The following MCF2 variants were observed in gnomAD, a reference collection of about 807,000 sequenced individuals.
MCF2 encodes MCF.2 cell line derived transforming sequence, also known as proto-oncogene DBL.
MCF2 carries 44 observed loss-of-function variants against 82.5 expected under a neutral mutation model. The observed-to-expected ratio is 0.53, with a 90% CI of 0.42 to 0.69. MCF2 has a LOEUF of 0.69. Ranked by LOEUF, MCF2 falls within the 30% of genes least tolerant of loss-of-function variation. MCF2 has a pLI of 0.00. For missense variants in MCF2, 623 were observed against 663.1 expected (o/e 0.94, Z 0.66); for synonymous variants, 217 against 224.9 (o/e 0.96, Z 0.32).
intron 1 of MCF2, among the ~76,000 whole-genome samples, chrX:139,705,291 G>T (rs902672470): frequency 2.7e-5 from 3 of 111,975 alleles, no homozygotes; most frequent in African/African-American, 9.7e-5. Context: ...CAGCCTAGGC[G>T]ACAGAGTGAG....
At chrX:139,603,141 C>A (rs1343112781) in intron 15 of MCF2, among the ~76,000 whole-genome samples, 3 of 112,546 alleles carry the variant, frequency 2.7e-5, no homozygotes, top group Non-Finnish European at 5.6e-5. Context: ...ATCTTCTACA[C>A]AATTAATAAT....
At chrX:139,678,853 A>G (rs1026036812) in intron 1 of MCF2, among the ~76,000 whole-genome samples, 3 of 112,437 alleles carry the variant, frequency 2.7e-5, no homozygotes, top group Non-Finnish European at 5.6e-5. Context: ...CAACAACATC[A>G]TTACAGATGT....
At chrX:139,672,582 T>C (rs766285221) in intron 1 of MCF2, among the ~76,000 whole-genome samples, 43 of 112,380 alleles carry the variant, frequency 3.8e-4, no homozygotes, top group African/African-American at 1.3e-3. Flanking sequence ...TCATATGGTT[T>C]TTGCCGTTGG....
chrX:139,598,475 G>C, exon 17 of MCF2: 1 of 1,131,432 alleles, frequency 8.8e-7, no homozygotes, highest in Non-Finnish European at 1.2e-6. Flanking sequence ...GTCTAAGTCT[G>C]TGTTTTAACT....
At position 139,688,797 on chromosome X, in the gene MCF2, A is replaced by G. The variant is rs188930065; in HGVS notation, c.-45+19309T>C. 3.4e-3 allele frequency among the ~76,000 whole-genome samples: 378 copies of G among 111,676 alleles called. 1 individual carries two copies. Among genetic ancestry groups the G allele is most frequent in the African/African-American group, 0.012 (357 of 30,740 alleles). On this transcript the variant is annotated intron_variant, in intron 1 of 27. Coordinates refer to the MCF2 transcript ENST00000414978. ...ACTTGCTGAGTTATCAATATAGCCCATGGAGAAGTAGATTTAAGGAAAGAA... is the reference window on the plus strand; with the variant it reads ...ACTTGCTGAGTTATCAATATAGCCCGTGGAGAAGTAGATTTAAGGAAAGAA...
rs139945203 is a variant in MCF2 at position 139,614,260 on chromosome X, T to C, written c.1363+621A>G. On this transcript the variant is annotated intron_variant, in intron 10 of 24. Coordinates refer to ENST00000370576, the Ensembl canonical transcript of MCF2. ...ATCTTACATGGATAAAACTAGGAGA[T>C]TAAAACTAGAAAATGAACTCTGTAA... 9.2e-3 allele frequency among the ~76,000 whole-genome samples: 1,032 copies of C among 111,574 alleles called. 6 individuals carry two copies. Among genetic ancestry groups the C allele is most frequent in the Non-Finnish European group, 0.011 (601 of 52,935 alleles).
chrX:139,641,214 T>A (rs1404144876), intron 1 of MCF2, among the ~76,000 whole-genome samples: 3 of 107,436 alleles, frequency 2.8e-5, no homozygotes, highest in African/African-American at 1.0e-4. Context: ...ATATATATAA[T>A]TAGGAACTTT....
intron 6 of MCF2, among the ~76,000 whole-genome samples, chrX:139,621,203 T>G (rs894716499): frequency 2.7e-5 from 3 of 111,673 alleles, no homozygotes; most frequent in Admixed American, 9.6e-5. Flanking sequence ...TAACTAAGGA[T>G]GGATTAAAGA....
At chrX:139,593,343 C>T (rs1929691999) in intron 19 of MCF2, among the ~76,000 whole-genome samples, 2 of 110,566 alleles carry the variant, frequency 1.8e-5, no homozygotes, top group African/African-American at 6.6e-5. Context: ...AAACCAGCTC[C>T]TGAATCTCTG....
Position 139,582,403 on chromosome X carries a change from A to C in MCF2, c.*68T>G, listed in dbSNP as rs369202775. ...CATTTGAGCTCAATGTCTTTTGCGC[A>C]GTATTTTTCCAAATGAGCTGAGAAG... On this transcript the variant is annotated 3_prime_UTR_variant, in exon 25 of 25. Coordinates refer to ENST00000370576, the Ensembl canonical transcript of MCF2. 1.5e-5 allele frequency: 17 copies of C among 1,134,489 alleles called. No homozygotes were observed. In the African/African-American group the frequency reaches 3.0e-4, roughly 20 times the overall value. 93.5% of individuals were successfully genotyped at this position (1,134,489 alleles called of 1,213,427 possible). A position where few individuals can be genotyped will look rare whatever the true frequency, so the allele number is the denominator to read the frequency against.
chrX:139,701,454 G>C (rs1446664734), intron 1 of MCF2, among the ~76,000 whole-genome samples: 3 of 112,215 alleles, frequency 2.7e-5, no homozygotes, highest in African/African-American at 9.7e-5. Flanking sequence ...AGCTCACCCA[G>C]TCAGTTGGAA....
At chrX:139,605,844 GTAT>G in intron 12 of MCF2, 65 bp from the exon 17 acceptor site, 2 of 855,746 alleles carry the variant, frequency 2.3e-6, no homozygotes, top group Non-Finnish European at 3.3e-6. Flanking sequence ...AATGTTTCAA[GTAT>G]TATCATCATG....
intron 1 of MCF2, among the ~76,000 whole-genome samples, chrX:139,669,150 T>C (rs1463165661): frequency 8.9e-6 from 1 of 111,917 alleles, no homozygotes; most frequent in Non-Finnish European, 1.9e-5. Flanking sequence ...ATAAGGGACA[T>C]GTATCTAGAA....
chrX:139,629,640 C>G, intron 4 of MCF2, 55 bp downstream of exon 7: 1 of 1,100,185 alleles, frequency 9.1e-7, no homozygotes, highest in Non-Finnish European at 1.2e-6. Flanking sequence ...ATAATAAACA[C>G]CTCTCTAGAT....
At chrX:139,704,955 G>A (rs575047123) in intron 1 of MCF2, among the ~76,000 whole-genome samples, 1 of 109,962 alleles carries the variant, frequency 9.1e-6, no homozygotes, top group African/African-American at 3.3e-5. Flanking sequence ...AAAGCAAAAA[G>A]AACAAAGACG....
intron 1 of MCF2, among the ~76,000 whole-genome samples, chrX:139,637,635 A>G (rs1933309593): frequency 8.9e-6 from 1 of 111,970 alleles, no homozygotes; most frequent in Non-Finnish European, 1.9e-5. Context: ...AATTATGCCC[A>G]TAAAGAGCAC....
intron 24 of MCF2, among the ~76,000 whole-genome samples, chrX:139,584,128 C>CATTTTTTTTTTTTTTTTTT (rs1184841644): frequency 1.4e-5 from 1 of 72,643 alleles, no homozygotes; most frequent in African/African-American, 5.7e-5. Flanking sequence ...TGCCATTATC[C>CATTTTTTTTTTTTTTTTTT]TTTTTTTTTT....
chrX:139,671,954 T>C (rs1034938463), intron 1 of MCF2, among the ~76,000 whole-genome samples: 3 of 111,991 alleles, frequency 2.7e-5, no homozygotes, highest in African/African-American at 9.7e-5. Flanking sequence ...GAGCTTGGAA[T>C]GTTCTTCCAT....
intron 1 of MCF2, among the ~76,000 whole-genome samples, chrX:139,671,840 A>G (rs900806251): frequency 8.9e-5 from 10 of 111,741 alleles, no homozygotes; most frequent in African/African-American, 2.6e-4. Context: ...GTTTTTTCCA[A>G]TTCTGTGAAG....
Sources: allele counts gnomAD v4.1 joint callset (sites outside exome capture counted in the v4.1 genomes callset), GRCh38; gene constraint gnomAD v4.1.1; transcripts MANE v1.5; gene names NCBI Gene and HGNC (gene_info 2026-07-23, HGNC 2026-07-21).